Variants in CIT observed in about 807,000 individuals in gnomAD.
CIT encodes the protein citron Rho-interacting kinase.
Under a neutral mutation model 272.7 loss-of-function variants are expected in CIT, and 79 were observed. That is an observed-to-expected ratio of 0.29 (90% CI 0.24 to 0.35). The LOEUF is 0.35. Among genes scored for constraint, CIT ranks in the 10% least tolerant of loss-of-function variants. CIT has a pLI of 1.00. For synonymous variants in CIT, 948 were observed against 995.6 expected, an observed-to-expected ratio of 0.95 and a Z score of 0.90; for missense variants, 1,909 against 2,618.3, an observed-to-expected ratio of 0.73 and a Z score of 5.91.
At position 119,687,950 on chromosome 12, in the gene CIT, C is replaced by T. The variant is rs1955668388; in HGVS notation, c.*282G>A. On this transcript the variant is annotated 3_prime_UTR_variant, in exon 48 of 48. Coordinates refer to ENST00000392521, the MANE Select transcript of CIT (RefSeq NM_001206999.2). Reference sequence around the variant, plus strand: ...ATGAACTAACTGGTACAGGCTAGAGCTAGGTACAAAAGTTTGTGAATGCTT... The same window carrying T: ...ATGAACTAACTGGTACAGGCTAGAGTTAGGTACAAAAGTTTGTGAATGCTT... The T allele has an allele frequency of 4.1e-6, 2 of 493,756 alleles. No individual in the cohort carries two copies. The highest frequency in any genetic ancestry group is 3.9e-5 in the African/African-American group (2 of 51,352). The allele number at this position is 493,756 out of a possible 1,614,324, so 30.6% of individuals were successfully genotyped here.
At chr12:119,732,909 A>G (rs1958540572) in intron 26 of CIT, among the ~76,000 whole-genome samples, 1 of 152,220 alleles carries the variant, frequency 6.6e-6, no homozygotes, top group African/African-American at 2.4e-5. Flanking sequence ...ACACTAGCCC[A>G]TATCATGCCT....
Position 119,752,224 on chromosome 12 carries a change from C to G in CIT, c.2730G>C (p.Gln910His). ...LREVSLEHEE[Q>H]KLELKRQLTE... The stretch of plus-strand genomic sequence containing the variant: ...TGAGCTGGCGCTTGAGCTCCAGTTT[C>G]TGCTCCTCGTGCTCTAGACTGACCT... Residue 910 changes from glutamine to histidine, a missense_variant, in exon 23 of 48, where the codon CAG becomes CAC. Gln to His is a conservative substitution (Grantham distance 24, BLOSUM62 0). Around this residue, in one of 8 missense-constraint regions of CIT, gnomAD observed 530 missense variants for 822.4 expected, o/e 0.64. Coordinates refer to ENST00000392521, the MANE Select transcript of CIT (RefSeq NM_001206999.2). 1 of 1,608,930 alleles carries G rather than the reference C, an allele frequency of 6.2e-7. No homozygotes were observed. The highest frequency in any genetic ancestry group is 1.1e-5 in the South Asian group (1 of 90,988).
chr12:119,761,118 G>A (rs1961736581), intron 19 of CIT, 63 bp from the exon 20 acceptor site: 6 of 1,158,900 alleles, frequency 5.2e-6, no homozygotes, highest in East Asian at 2.3e-5. Context: ...AAGACTAAAC[G>A]GGGACACTTG....
rs56006347 is a variant in CIT, at chr12:119,718,345, G to A, written c.4068C>T (p.Ile1356=). ...GCGACCGCACGATGGCGGACATGGC[G>A]ATCTGCTGCCTCGCGGTGGCTGGCG... ...PSTPATARQQ[I]AMSAIVRSPE... The change falls in exon 32 of 48, where the codon ATC becomes ATT. Residue 1356 remains isoleucine, a synonymous_variant. Coordinates refer to ENST00000392521, the MANE Select transcript of CIT (RefSeq NM_001206999.2). This position sits in a 1 kb window ranked among gnomAD's most constrained non-coding sequence, Gnocchi z 4.8. 1,678 of 1,614,100 alleles carry A rather than the reference G, an allele frequency of 1.0e-3. 35 individuals are homozygous for A. The South Asian group carries it at 0.017, about 17-fold the overall frequency.
chr12:119,829,368 A>AGAGAAGAGAAGAGAG, intron 7 of CIT, among the ~76,000 whole-genome samples: 1 of 149,938 alleles, frequency 6.7e-6, no homozygotes, highest in Non-Finnish European at 1.5e-5. Flanking sequence ...AGAGAAGAGA[A>AGAGAAGAGAAGAGAG]GAGAAGAGAA....
At chr12:119,775,894 G>A in intron 15 of CIT, 55 bp from the exon 16 acceptor site, 1 of 1,424,810 alleles carries the variant, frequency 7.0e-7, no homozygotes, top group Non-Finnish European at 9.9e-7. Context: ...TTAACATCTT[G>A]CTACATTTAT....
rs376361489 is a variant in CIT, at chr12:119,776,972, T to G, written c.1666-130A>C. 4.9e-6 allele frequency: 5 copies of G among 1,028,018 alleles called. No individual in the cohort carries two copies. In the Admixed American group the frequency reaches 1.1e-4, roughly 23 times the overall value. 63.7% of individuals were successfully genotyped at this position (1,028,018 alleles called of 1,614,324 possible). On this transcript the variant is annotated intron_variant, in intron 13 of 47. Transcript: ENST00000392521. ...AAGAGAGACTGGCAAAGAAAAGACC[T>G]GGCCAGGTGCAGTGGCTCACGCCTG... is the stretch of plus-strand genomic sequence containing the variant.
chr12:119,687,099 T>C lies in CIT; in HGVS notation c.*1133A>G, dbSNP rs1000237324. On this transcript the variant is annotated 3_prime_UTR_variant, in exon 48 of 48. Transcript: ENST00000392521. Reference sequence around the variant, plus strand: ...TCGTAAGGCTTGAGCGTTTTGTTTTTTGTTTGTTCAGTGCTACAGACTGCA... The same window carrying C: ...TCGTAAGGCTTGAGCGTTTTGTTTTCTGTTTGTTCAGTGCTACAGACTGCA... The C allele has an allele frequency of 1.3e-5, 2 of 152,754 alleles. No individual in the cohort carries two copies. The highest frequency in any genetic ancestry group is 2.4e-5 in the African/African-American group (1 of 41,448). 9.5% of individuals were successfully genotyped at this position (152,754 alleles called of 1,614,324 possible).
chr12:119,739,965 C>T (rs1958977575), intron 24 of CIT, among the ~76,000 whole-genome samples: 1 of 152,194 alleles, frequency 6.6e-6, no homozygotes, highest in Non-Finnish European at 1.5e-5. Context: ...ATGTTATCTC[C>T]ATTTTACAGA....
At chr12:119,760,374 C>G (rs1230018212) in intron 20 of CIT, among the ~76,000 whole-genome samples, 2 of 151,290 alleles carry the variant, frequency 1.3e-5, no homozygotes, top group Admixed American at 1.3e-4. Flanking sequence ...GGCCTGTAAT[C>G]CCAGCACTTT....
chr12:119,817,736 A>G (rs1477281354), intron 9 of CIT, among the ~76,000 whole-genome samples: 2 of 152,100 alleles, frequency 1.3e-5, no homozygotes, highest in African/African-American at 2.4e-5. Flanking sequence ...CACTTAACAT[A>G]CTGTAGAAAT....
chr12:119,812,661 C>T (rs2137958778), intron 9 of CIT, among the ~76,000 whole-genome samples: 1 of 151,884 alleles, frequency 6.6e-6, no homozygotes, highest in African/African-American at 2.4e-5. Flanking sequence ...GTTGCCCAGG[C>T]TAGTCTCAAA....
intron 10 of CIT, among the ~76,000 whole-genome samples, chr12:119,790,389 T>C (rs1363070588): frequency 6.6e-6 from 1 of 152,156 alleles, no homozygotes; most frequent in African/African-American, 2.4e-5. Context: ...GTTGGAACTC[T>C]AAAATGATGG....
At chr12:119,858,279 G>A (rs1396928392) in intron 3 of CIT, among the ~76,000 whole-genome samples, 1 of 152,200 alleles carries the variant, frequency 6.6e-6, no homozygotes, top group Non-Finnish European at 1.5e-5. Context: ...CACTTTGGGA[G>A]GCCTAGGCAA....
chr12:119,853,116 C>G (rs1185599128), intron 4 of CIT, among the ~76,000 whole-genome samples: 1 of 152,052 alleles, frequency 6.6e-6, no homozygotes, highest in Admixed American at 6.6e-5. Context: ...TACTGCAGGT[C>G]AGGAGTTCAA....
In CIT at chr12:119,734,158, C is replaced by T. The variant is rs767114572; in HGVS notation, c.3350+6G>A. The T allele has an allele frequency of 9.9e-6, 16 of 1,612,964 alleles. No individual in the cohort carries two copies. Among genetic ancestry groups the T allele is most frequent in the Non-Finnish European group, 9.3e-6 (11 of 1,179,744 alleles). ...TCATGAGCTTTCCACAAACACAAAG[C>T]CCCACCTGCTCTGTTTCTCGGTGTC... On this transcript the variant is annotated splice_donor_region_variant and intron_variant, in intron 26 of 47. Coordinates refer to ENST00000392521, the MANE Select transcript of CIT (RefSeq NM_001206999.2).
intron 1 of CIT, among the ~76,000 whole-genome samples, 158 bp downstream of exon 1, chr12:119,877,091 C>CCCCGGAAGACCCTCCAGGCCT (rs1159774522): frequency 5.9e-5 from 9 of 152,268 alleles, no homozygotes; most frequent in African/African-American, 1.7e-4. Flanking sequence ...GCACAGCTAG[C>CCCCGGAAGACCCTCCAGGCCT]CCCGGAAGAC....
chr12:119,803,346 G>A lies in CIT; in HGVS notation c.1155C>T (p.Thr385=). 2.5e-6 allele frequency: 4 copies of A among 1,604,432 alleles called. No homozygotes were observed. The highest frequency in any genetic ancestry group is 3.4e-6 in the Non-Finnish European group (4 of 1,175,654). ...FVPTLKSDDD[T]SNFDEPEKNS... ...TCTTCTCTGGTTCATCAAAATTGGAGGTGTCATCGTCAGACTTGAGGGTGG... is the reference window on the plus strand; with the variant it reads ...TCTTCTCTGGTTCATCAAAATTGGAAGTGTCATCGTCAGACTTGAGGGTGG... Residue 385 remains threonine, a synonymous_variant, in exon 10 of 48, where the codon ACC becomes ACT. Transcript: ENST00000392521.
intron 20 of CIT, among the ~76,000 whole-genome samples, chr12:119,759,374 C>T (rs1016528638): frequency 4.6e-5 from 7 of 152,308 alleles, no homozygotes; most frequent in South Asian, 4.2e-4. Flanking sequence ...CAGCCGGGCG[C>T]GGCGGCTTAG....
Sources: allele counts gnomAD v4.1 joint callset (sites outside exome capture counted in the v4.1 genomes callset), GRCh38; gene constraint gnomAD v4.1.1; regional missense constraint gnomAD v4.1.1; non-coding constraint Gnocchi (gnomAD v3.1); transcripts MANE v1.5; gene names NCBI Gene and HGNC (gene_info 2026-07-23, HGNC 2026-07-21).